Variants in CAPN8 observed in about 807,000 individuals in gnomAD.
CAPN8 encodes the protein calpain 8.
CAPN8 carries 87 observed loss-of-function variants against 80.9 expected under a neutral mutation model. That is an observed-to-expected ratio of 1.07 (90% CI 0.90 to 1.28). The LOEUF is 1.28. CAPN8 is among the 50% of genes most tolerant of loss of function. The pLI is 0.00. For missense variants in CAPN8, 757 were observed against 702.0 expected (o/e 1.08, Z -0.89); for synonymous variants, 299 against 273.8 (o/e 1.09, Z -0.91).
At chr1:223,547,197 C>T (rs1280210713) in intron 16 of CAPN8, among the ~76,000 whole-genome samples, 11 of 152,146 alleles carry the variant, frequency 7.2e-5, no homozygotes, top group Admixed American at 6.5e-4. Flanking sequence ...CAGGCATCAG[C>T]CCCTGCGCCC....
In CAPN8 at chr1:223,549,343, C is replaced by T. The variant is rs745847790; in HGVS notation, c.1739G>A (p.Cys580Tyr). ...ATCCAACAGACTGATCATTTCCCTG[C>T]AAGTGTTGATGTTGAATCCATCGAA... ...IKFDGFNINT[C>Y]REMISLLDSN... Residue 580 changes from cysteine (C) to tyrosine (Y), a missense_variant, in exon 16 of 21, where the codon TGC becomes TAC. Coordinates refer to ENST00000366872, the MANE Select transcript of CAPN8 (RefSeq NM_001143962.2). The T allele has an allele frequency of 2.6e-6, 4 of 1,551,348 alleles. No homozygotes were observed. The South Asian group carries it at 3.6e-5, about 14-fold the overall frequency.
intron 2 of CAPN8, chr1:223,642,742 T>C: frequency 2.3e-6 from 1 of 439,500 alleles, no homozygotes; most frequent in African/African-American, 2.0e-5. Context: ...GCAAGCAAAC[T>C]CTTCACAGCT....
chr1:223,634,082 T>C (rs780396360), intron 2 of CAPN8, among the ~76,000 whole-genome samples: 4 of 152,142 alleles, frequency 2.6e-5, no homozygotes, highest in Non-Finnish European at 5.9e-5. Context: ...AGAGTAAAGA[T>C]GGCATCATGG....
chr1:223,553,536 G>A (rs1656847187), intron 14 of CAPN8, among the ~76,000 whole-genome samples: 1 of 152,182 alleles, frequency 6.6e-6, no homozygotes, highest in East Asian at 1.9e-4. Flanking sequence ...CAATCTGACA[G>A]GGCCAATCTG....
chr1:223,624,300 T>G (rs1657499789), intron 6 of CAPN8, among the ~76,000 whole-genome samples: 1 of 152,364 alleles, frequency 6.6e-6, no homozygotes, highest in Non-Finnish European at 1.5e-5. Flanking sequence ...CTTTCTGCCT[T>G]GGCCATTGGG....
chr1:223,557,558 CAGTG>C (rs1438680584), intron 13 of CAPN8, among the ~76,000 whole-genome samples: 7 of 152,194 alleles, frequency 4.6e-5, no homozygotes, highest in African/African-American at 1.4e-4. Context: ...ATTGAGGACA[CAGTG>C]AGGAATAAAG....
At chr1:223,558,008 T>C (rs1656945165) in intron 13 of CAPN8, 123 bp downstream of exon 13, 2 of 394,988 alleles carry the variant, frequency 5.1e-6, no homozygotes, top group Non-Finnish European at 8.9e-6. Context: ...TAGAAAATGT[T>C]GTGGCCCTAA....
intron 6 of CAPN8, among the ~76,000 whole-genome samples, chr1:223,624,805 A>T (rs1657514027): frequency 6.6e-6 from 1 of 152,048 alleles, no homozygotes; most frequent in East Asian, 1.9e-4. Context: ...AAATAAAAAT[A>T]ATGAATAGGC....
intron 10 of CAPN8, among the ~76,000 whole-genome samples, chr1:223,615,250 C>T (rs1486057789): frequency 2.0e-5 from 3 of 152,146 alleles, no homozygotes; most frequent in African/African-American, 7.2e-5. Flanking sequence ...TAAAAATGGC[C>T]ACCATGAGCC....
At chr1:223,617,424 C>T (rs1657230097) in intron 9 of CAPN8, 1 of 151,988 alleles carries the variant, frequency 6.6e-6, no homozygotes, top group African/African-American at 2.4e-5. Flanking sequence ...AATCTGTAAT[C>T]GCCTATACTT....
chr1:223,653,499 G>A (rs933049064), intron 2 of CAPN8, among the ~76,000 whole-genome samples: 1 of 151,934 alleles, frequency 6.6e-6, no homozygotes, highest in East Asian at 1.9e-4. Flanking sequence ...GTGATGCTGA[G>A]GTTTCTGTTT....
chr1:223,542,886 A>G (rs950764430), intron 20 of CAPN8, among the ~76,000 whole-genome samples: 8 of 152,192 alleles, frequency 5.3e-5, no homozygotes, highest in African/African-American at 1.9e-4. Context: ...TCTGAAATGT[A>G]GCTGTAGCTT....
intron 16 of CAPN8, 79 bp downstream of exon 16, chr1:223,549,239 C>T: frequency 6.6e-7 from 1 of 1,519,046 alleles, no homozygotes; most frequent in South Asian, 1.2e-5. Flanking sequence ...TCCCTTCCTT[C>T]TAACTGGAAA....
chr1:223,625,874 G>C lies in CAPN8; in HGVS notation c.744C>G (p.Ala248=). The change falls in exon 6 of 21, where the codon GCC becomes GCG. Residue 248 remains alanine (A), a synonymous_variant. Transcript: ENST00000366872. ...TCTGGCTGGTGATGGCTTCGGCTTCGGCTGCACTGGAGACCTGCGTAGAGA... is the reference window on the plus strand; with the variant it reads ...TCTGGCTGGTGATGGCTTCGGCTTCCGCTGCACTGGAGACCTGCGTAGAGA... ...LGCSIDVSSA[A]EAEAITSQKL... is the part of the protein sequence containing the mutation. 1 of 1,551,410 alleles carries C rather than the reference G, an allele frequency of 6.4e-7. No homozygotes were observed.
chr1:223,631,344 G>T (rs1026485665), intron 2 of CAPN8, among the ~76,000 whole-genome samples: 2 of 152,010 alleles, frequency 1.3e-5, no homozygotes, highest in Non-Finnish European at 2.9e-5. Flanking sequence ...CACCCAGACT[G>T]GCCTCAAAAC....
intron 1 of CAPN8, among the ~76,000 whole-genome samples, chr1:223,661,182 A>G (rs1558360065): frequency 6.7e-6 from 1 of 148,194 alleles, no homozygotes; most frequent in East Asian, 2.0e-4. Context: ...AAAAAAAAAA[A>G]GGCAAAGAAC....
At chr1:223,618,306 T>C in intron 9 of CAPN8, 2 of 1,550,314 alleles carry the variant, frequency 1.3e-6, no homozygotes, top group Non-Finnish European at 1.7e-6. Flanking sequence ...ATTAGTGATC[T>C]TCTGCGAGCC....
intron 20 of CAPN8, 59 bp from the exon 21 acceptor site, chr1:223,541,918 C>T: frequency 6.4e-7 from 1 of 1,551,040 alleles, no homozygotes; most frequent in Non-Finnish European, 8.7e-7. Context: ...GTGCTTTCAC[C>T]ATTGATGCTC....
chr1:223,631,354 C>T (rs1204419951), intron 2 of CAPN8, among the ~76,000 whole-genome samples: 1 of 152,174 alleles, frequency 6.6e-6, no homozygotes, highest in Admixed American at 6.5e-5. Flanking sequence ...GGCCTCAAAA[C>T]TCCATTCATG....
Sources: gnomAD v4.1 joint callset for allele counts (sites outside exome capture counted in the v4.1 genomes callset) on GRCh38, gnomAD v4.1.1 for gene constraint, MANE v1.5 for transcripts, NCBI Gene and HGNC (gene_info 2026-07-23, HGNC 2026-07-21) for gene names.